ACER1: variants seen among roughly 807,000 people sequenced by gnomAD.
ACER1 encodes alkaline ceramidase 1.
A neutral mutation model predicts 24.9 loss-of-function variants in ACER1; 28 were observed. That is an observed-to-expected ratio of 1.13 (90% CI 0.83 to 1.54). ACER1 has a LOEUF of 1.54. ACER1 is among the 40% of genes most tolerant of loss of function. The pLI, the probability that ACER1 is intolerant of heterozygous loss-of-function variation, is 0.00. For missense variants in ACER1, 352 were observed against 349.3 expected, an observed-to-expected ratio of 1.01 and a Z score of -0.06; for synonymous variants, 132 against 131.4, an observed-to-expected ratio of 1.00 and a Z score of -0.03.
chr19:6,347,109 A>AAAAAAAAAAAAAAAAAAATATAT, the ACER1 span, among the ~76,000 whole-genome samples: 1 of 113,820 alleles, frequency 8.8e-6, no homozygotes, highest in African/African-American at 5.1e-5. Flanking sequence ...AAAAAAAAAA[A>AAAAAAAAAAAAAAAAAAATATAT]ATATATATAT....
chr19:6,355,359 A>G, the ACER1 span, among the ~76,000 whole-genome samples: 1 of 126,670 alleles, frequency 7.9e-6, no homozygotes, highest in African/African-American at 3.6e-5. Context: ...CCTGGCCACC[A>G]CCCCATCTAG....
At chr19:6,355,876 G>A in the ACER1 span, among the ~76,000 whole-genome samples, 6 of 146,168 alleles carry the variant, frequency 4.1e-5, no homozygotes, top group African/African-American at 5.2e-5. Flanking sequence ...CCGGCCAGCC[G>A]CCTCGGTCCG....
At chr19:6,330,775 A>G (rs1015070448) in intron 1 of ACER1, among the ~76,000 whole-genome samples, 2 of 149,762 alleles carry the variant, frequency 1.3e-5, no homozygotes, top group Non-Finnish European at 2.9e-5. Flanking sequence ...TAGAGGTGGG[A>G]CTACTGAGGA....
chr19:6,358,950 A>AAAAAAG, the ACER1 span, among the ~76,000 whole-genome samples: 819 of 150,368 alleles, frequency 5.4e-3, 21 homozygotes, highest in African/African-American at 0.019. Context: ...AAAAAAAAAA[A>AAAAAAG]GAGTCCAGCT....
chr19:6,348,465 GAAAA>G, the ACER1 span, among the ~76,000 whole-genome samples: 1 of 101,902 alleles, frequency 9.8e-6, no homozygotes, highest in Admixed American at 1.1e-4. Flanking sequence ...ACTCCATCTG[GAAAA>G]AAAAAAAAAA....
At chr19:6,356,463 A>G in the ACER1 span, among the ~76,000 whole-genome samples, 1 of 147,586 alleles carries the variant, frequency 6.8e-6, no homozygotes, top group African/African-American at 2.5e-5. Flanking sequence ...CCCAAGAATG[A>G]TCAATAAAAA....
At chr19:6,353,906 C>G in the ACER1 span, among the ~76,000 whole-genome samples, 2 of 150,782 alleles carry the variant, frequency 1.3e-5, no homozygotes, top group South Asian at 2.1e-4. Flanking sequence ...CTCAGGCCAG[C>G]TGTGATGGCT....
chr19:6,324,785 AG>A, intron 1 of ACER1, among the ~76,000 whole-genome samples: 1 of 147,214 alleles, frequency 6.8e-6, no homozygotes, highest in African/African-American at 2.7e-5. Flanking sequence ...AGAGAAAGAG[AG>A]AGAAGAGAGA....
chr19:6,333,564 G>C lies in ACER1; in HGVS notation c.-13C>G, dbSNP rs915626681. The stretch of plus-strand genomic sequence containing the variant: ...AGATGCTAGGCATCTTGTCTCAGTG[G>C]CCACCACCAGCCGGCTGCGCCCGGC... On this transcript the variant is annotated 5_prime_UTR_variant, in exon 1 of 6. Coordinates refer to ENST00000301452, the MANE Select transcript of ACER1 (RefSeq NM_133492.3). 11 of 1,563,862 alleles carry C rather than the reference G, an allele frequency of 7.0e-6. No homozygotes were observed. Among genetic ancestry groups the C allele is most frequent in the South Asian group, 1.2e-5 (1 of 85,344 alleles).
chr19:6,333,279 T>C (rs2335192), intron 1 of ACER1, among the ~76,000 whole-genome samples, 180 bp downstream of exon 1: 122,273 of 152,124 alleles, frequency 0.8, 50,238 homozygotes, highest in East Asian at 1. Context: ...ACCACAGAGC[T>C]TGGCATCAAG....
the ACER1 span, among the ~76,000 whole-genome samples, chr19:6,341,728 A>C: frequency 8.3e-4 from 127 of 152,118 alleles, no homozygotes; most frequent in African/African-American, 2.7e-3. Context: ...TACTGGGTTC[A>C]AGCGATTCTC....
At chr19:6,350,758 C>T in the ACER1 span, among the ~76,000 whole-genome samples, 11 of 152,214 alleles carry the variant, frequency 7.2e-5, no homozygotes, top group African/African-American at 2.4e-4. Context: ...GTTTTCTTTG[C>T]ATTTGTTTGC....
the ACER1 span, among the ~76,000 whole-genome samples, chr19:6,357,100 A>C: frequency 7.0e-6 from 1 of 143,460 alleles, no homozygotes; most frequent in Non-Finnish European, 1.5e-5. Context: ...GCTGGAGTGC[A>C]ATGGTGTAAT....
chr19:6,357,091 C>T, the ACER1 span, among the ~76,000 whole-genome samples: 1 of 143,576 alleles, frequency 7.0e-6, no homozygotes, highest in Non-Finnish European at 1.5e-5. Context: ...GTCGCCCAGG[C>T]TGGAGTGCAA....
chr19:6,315,921 A>G (rs2091601377), intron 1 of ACER1, among the ~76,000 whole-genome samples: 1 of 152,188 alleles, frequency 6.6e-6, no homozygotes, highest in African/African-American at 2.4e-5. Context: ...CGAAGTCAGG[A>G]ATTCGAGACC....
At chr19:6,330,358 G>A (rs1440942659) in intron 1 of ACER1, among the ~76,000 whole-genome samples, 2 of 149,152 alleles carry the variant, frequency 1.3e-5, no homozygotes, top group African/African-American at 5.1e-5. Context: ...AGTAGAGATG[G>A]GGTTTCACCA....
At chr19:6,349,641 A>G in the ACER1 span, among the ~76,000 whole-genome samples, 1 of 152,146 alleles carries the variant, frequency 6.6e-6, no homozygotes, top group Non-Finnish European at 1.5e-5. Context: ...GAGCCCCATC[A>G]GAGCATCCCA....
At chr19:6,324,595 T>A (rs1164459197) in intron 1 of ACER1, among the ~76,000 whole-genome samples, 2 of 138,012 alleles carry the variant, frequency 1.4e-5, no homozygotes, top group African/African-American at 2.7e-5. Context: ...CCATCTCTAC[T>A]AAAAAAAAAA....
At chr19:6,308,137 G>A (rs534409298) in intron 4 of ACER1, among the ~76,000 whole-genome samples, 9 of 151,552 alleles carry the variant, frequency 5.9e-5, no homozygotes, top group Admixed American at 2.0e-4. Flanking sequence ...AAACACCTTC[G>A]AATATTAACT....
Sources: allele counts gnomAD v4.1 joint callset (sites outside exome capture counted in the v4.1 genomes callset), GRCh38; gene constraint gnomAD v4.1.1; transcripts MANE v1.5; gene names NCBI Gene and HGNC (gene_info 2026-07-23, HGNC 2026-07-21).